TNRC6B: variants seen among roughly 807,000 people sequenced by gnomAD.
The protein encoded by TNRC6B is trinucleotide repeat containing adaptor 6B, also known as trinucleotide repeat-containing gene 6B protein.
TNRC6B carries 52 observed loss-of-function variants against 203.6 expected under a neutral mutation model. The ratio of observed to expected loss-of-function variants is 0.26; its 90% CI spans 0.20 to 0.32. The LOEUF (loss-of-function observed/expected upper bound fraction) is 0.32, where lower values mean the gene tolerates loss of function less well. TNRC6B is among the 10% of genes least tolerant of loss of function. The probability of loss-of-function intolerance (pLI) is 1.00; values close to 1 mark genes in which losing one functional copy is unlikely to be tolerated. For missense variants in TNRC6B, 1,923 were observed against 2,286.2 expected (o/e 0.84, Z 3.24); for synonymous variants, 838 against 845.7 (o/e 0.99, Z 0.16).
chr22:40,175,192 A>G (rs112227234), upstream of TNRC6B, among the ~76,000 whole-genome samples: 13,281 of 151,902 alleles, frequency 0.087, 1,836 homozygotes, highest in African/African-American at 0.29. Context: ...CCCTGTCTCT[A>G]TTAAAAATAC....
chr22:40,281,641 T>A (rs2070722626), intron 11 of TNRC6B, among the ~76,000 whole-genome samples: 1 of 152,254 alleles, frequency 6.6e-6, no homozygotes, highest in Non-Finnish European at 1.5e-5. Context: ...ATTGGATATG[T>A]AATACTTTGG....
At chr22:40,196,068 C>G (rs898081790) in intron 1 of TNRC6B, among the ~76,000 whole-genome samples, 1 of 117,610 alleles carries the variant, frequency 8.5e-6, no homozygotes, top group Non-Finnish European at 1.7e-5. Flanking sequence ...TGAGCCACCG[C>G]GTCCAGCCTT....
chr22:40,217,161 GTT>G (rs1212259822), intron 1 of TNRC6B, among the ~76,000 whole-genome samples: 1 of 152,066 alleles, frequency 6.6e-6, no homozygotes. Flanking sequence ...TTCCCTCATT[GTT>G]CCTTGTCTTC....
chr22:40,098,513 G>T (rs1049178578), intron 1 of TNRC6B, among the ~76,000 whole-genome samples: 2 of 151,518 alleles, frequency 1.3e-5, no homozygotes, highest in African/African-American at 4.9e-5. Context: ...ATATGATCGT[G>T]CCTGTCTACA....
At chr22:40,107,160 C>G in intron 1 of TNRC6B, 1 of 553,606 alleles carries the variant, frequency 1.8e-6, no homozygotes, top group Non-Finnish European at 3.2e-6. Flanking sequence ...ATACTAGGTA[C>G]TTTTTGTATC....
Position 40,274,422 on chromosome 22 carries a change from C to CTT in TNRC6B, c.3141+837_3141+838dup, listed in dbSNP as rs374621260. On this transcript the variant is annotated intron_variant, in intron 7 of 22. Coordinates refer to ENST00000454349, the MANE Select transcript of TNRC6B (RefSeq NM_001162501.2). ...AGCAGCTAAATGATTAATGATATCT[C>CTT]TTTTTTTTTTTTTTTTGAGACGGAG... Among the ~76,000 whole-genome samples the CTT allele has an allele frequency of 9.8e-4, 138 of 140,682 alleles. 1 individual carries two copies. The highest frequency in any genetic ancestry group is 3.1e-3 in the East Asian group (15 of 4,898). 92.3% of individuals were successfully genotyped at this position (140,682 alleles called of 152,430 possible).
chr22:40,317,559 A>G lies in TNRC6B; in HGVS notation c.4974+1547A>G, dbSNP rs534929463. Among the ~76,000 whole-genome samples, 11 of 152,330 alleles carry G rather than the reference A, an allele frequency of 7.2e-5. No homozygotes were observed. In the South Asian group the frequency reaches 2.3e-3, roughly 32 times the overall value. ...CACCACTGCACTCCAGCCTGGCGAC[A>G]GAGCGAGACTCCATCTGAAAAAATA... On this transcript the variant is annotated intron_variant, in intron 21 of 22. Transcript: ENST00000454349.
At chr22:40,103,193 A>G (rs1601816624) in intron 1 of TNRC6B, among the ~76,000 whole-genome samples, 1 of 151,586 alleles carries the variant, frequency 6.6e-6, no homozygotes, top group Admixed American at 6.6e-5. Flanking sequence ...GCTTGAACCC[A>G]GGAGTTTGAG....
At chr22:40,222,025 C>A (rs1189975652) in intron 1 of TNRC6B, among the ~76,000 whole-genome samples, 3 of 152,112 alleles carry the variant, frequency 2.0e-5, no homozygotes, top group African/African-American at 7.2e-5. Context: ...ACATCTAACT[C>A]ACTTTAAGCC....
At chr22:40,189,241 A>T (rs896385468) in intron 1 of TNRC6B, among the ~76,000 whole-genome samples, 14 of 152,212 alleles carry the variant, frequency 9.2e-5, no homozygotes, top group Non-Finnish European at 1.9e-4. Flanking sequence ...TATATTGAGA[A>T]ATGAATATGT....
At chr22:40,102,947 C>T (rs1019944244) in intron 1 of TNRC6B, among the ~76,000 whole-genome samples, 1 of 152,022 alleles carries the variant, frequency 6.6e-6, no homozygotes, top group Non-Finnish European at 1.5e-5. Flanking sequence ...CATGGTGGCA[C>T]ATGCCTGTAA....
intron 12 of TNRC6B, among the ~76,000 whole-genome samples, chr22:40,289,179 A>T (rs961887314): frequency 6.6e-6 from 1 of 151,806 alleles, no homozygotes; most frequent in Non-Finnish European, 1.5e-5. Context: ...GCTGCTCAGG[A>T]GGCTGAGGTG....
chr22:40,268,785 A>G lies in TNRC6B; in HGVS notation c.2807-1337A>G, dbSNP rs370676987. 3.1e-3 allele frequency among the ~76,000 whole-genome samples: 470 copies of G among 151,958 alleles called. 2 individuals are homozygous for G. Among genetic ancestry groups the G allele is most frequent in the African/African-American group, 0.011 (447 of 41,464 alleles). On this transcript the variant is annotated intron_variant, in intron 5 of 22. Coordinates refer to ENST00000454349, the MANE Select transcript of TNRC6B (RefSeq NM_001162501.2). ...AAATTAGCCAGGCGTGGTGGCGGGCACCTGTAGTCCCAGCTACTCGGGAGG... is the reference window on the plus strand; with the variant it reads ...AAATTAGCCAGGCGTGGTGGCGGGCGCCTGTAGTCCCAGCTACTCGGGAGG...
upstream of TNRC6B, among the ~76,000 whole-genome samples, chr22:40,173,010 C>CT (rs2069016996): frequency 6.6e-6 from 1 of 152,194 alleles, no homozygotes; most frequent in African/African-American, 2.4e-5. Flanking sequence ...ATGATATCCT[C>CT]TTTCTCAGCC....
At chr22:40,176,090 T>TG (rs1362191210), upstream of TNRC6B, among the ~76,000 whole-genome samples, 1 of 150,886 alleles carries the variant, frequency 6.6e-6, no homozygotes, top group Non-Finnish European at 1.5e-5. Flanking sequence ...TAGAGATAGG[T>TG]GGAGTCGATA....
At chr22:40,148,248 G>T (rs1298964163) in intron 3 of TNRC6B, among the ~76,000 whole-genome samples, 1 of 151,472 alleles carries the variant, frequency 6.6e-6, no homozygotes, top group Non-Finnish European at 1.5e-5. Context: ...CTGGAAGGAA[G>T]GTAAAATGGC....
intron 3 of TNRC6B, among the ~76,000 whole-genome samples, chr22:40,154,874 T>A (rs1371840802): frequency 1.1e-4 from 6 of 53,200 alleles, no homozygotes; most frequent in African/African-American, 4.0e-4. Flanking sequence ...TATATATATA[T>A]ATATATATAT....
At chr22:40,228,975 A>G (rs1431692401) in intron 1 of TNRC6B, among the ~76,000 whole-genome samples, 1 of 152,166 alleles carries the variant, frequency 6.6e-6, no homozygotes, top group Admixed American at 6.5e-5. Flanking sequence ...AGATTTATTC[A>G]CTAAATCTTA....
chr22:40,271,827 A>C (rs1168153356), intron 6 of TNRC6B, among the ~76,000 whole-genome samples: 1 of 152,220 alleles, frequency 6.6e-6, no homozygotes, highest in Non-Finnish European at 1.5e-5. Context: ...TAAATGTGTA[A>C]TGTGCGGAAG....
Sources: allele counts gnomAD v4.1 joint callset (sites outside exome capture counted in the v4.1 genomes callset), GRCh38; gene constraint gnomAD v4.1.1; transcripts MANE v1.5; gene names NCBI Gene and HGNC (gene_info 2026-07-23, HGNC 2026-07-21).